ATAD2B: variants seen among roughly 807,000 people sequenced by gnomAD.
ATAD2B encodes ATPase family AAA domain-containing protein 2B.
ATAD2B carries 40 observed loss-of-function variants against 167.6 expected under a neutral mutation model. That is an observed-to-expected ratio of 0.24 (90% confidence interval 0.19 to 0.31). The LOEUF is 0.31. ATAD2B is among the 10% of genes least tolerant of loss of function. The probability of loss-of-function intolerance (pLI) is 1.00; values close to 1 mark genes in which losing one functional copy is unlikely to be tolerated. For synonymous variants in ATAD2B, 579 were observed against 596.5 expected, an observed-to-expected ratio of 0.97 and a Z score of 0.43; for missense variants, 1,242 against 1,757.2, an observed-to-expected ratio of 0.71 and a Z score of 5.24.
intron 16 of ATAD2B, among the ~76,000 whole-genome samples, chr2:23,822,406 G>A (rs1423309081): frequency 2.0e-5 from 3 of 152,044 alleles, no homozygotes; most frequent in Non-Finnish European, 4.4e-5. Context: ...TTAGCTGGGC[G>A]TGGCGGCACA....
intron 18 of ATAD2B, among the ~76,000 whole-genome samples, chr2:23,808,315 G>C (rs796751640): frequency 5.3e-5 from 8 of 150,006 alleles, no homozygotes; most frequent in African/African-American, 2.0e-4. Flanking sequence ...TCTTCCCCCA[G>C]CCAAGAAGAT....
At chr2:23,789,133 T>C (rs1432825408) in intron 19 of ATAD2B, among the ~76,000 whole-genome samples, 8 of 152,124 alleles carry the variant, frequency 5.3e-5, no homozygotes, top group Non-Finnish European at 1.0e-4. Context: ...CTGGTTCCAC[T>C]GCAAAGAAAC....
At chr2:23,899,283 G>A (rs574613772) in intron 1 of ATAD2B, among the ~76,000 whole-genome samples, 3 of 113,776 alleles carry the variant, frequency 2.6e-5, no homozygotes, top group East Asian at 2.7e-4. Flanking sequence ...AAGCCTGGGC[G>A]AAAGAGCAAG....
At chr2:23,920,424 T>C (rs1409805990) in intron 1 of ATAD2B, among the ~76,000 whole-genome samples, 1 of 152,210 alleles carries the variant, frequency 6.6e-6, no homozygotes, top group African/African-American at 2.4e-5. Flanking sequence ...AAAAACTGTG[T>C]TTTATTTATC....
chr2:23,684,971 C>T, the ATAD2B span, among the ~76,000 whole-genome samples: 1 of 152,218 alleles, frequency 6.6e-6, no homozygotes, highest in Admixed American at 6.5e-5. This position sits in a 1 kb window ranked among gnomAD's most constrained non-coding sequence, Gnocchi z 4.4. Flanking sequence ...GTGACTAATG[C>T]CAGGAAAGCG....
chr2:23,715,988 A>C, the ATAD2B span, among the ~76,000 whole-genome samples: 1 of 152,226 alleles, frequency 6.6e-6, no homozygotes, highest in East Asian at 1.9e-4. Context: ...GTGGATTGTC[A>C]CATTTCTTTC....
intron 23 of ATAD2B, among the ~76,000 whole-genome samples, chr2:23,764,247 T>C (rs759548539): frequency 6.6e-6 from 1 of 152,250 alleles, no homozygotes. Flanking sequence ...ATTGAAACCA[T>C]GTTACTTCTT....
chr2:23,920,340 C>A (rs568749513), intron 1 of ATAD2B, among the ~76,000 whole-genome samples: 1 of 152,304 alleles, frequency 6.6e-6, no homozygotes, highest in African/African-American at 2.4e-5. Flanking sequence ...TCATTTAGCA[C>A]CTACTTTGAA....
intron 7 of ATAD2B, 126 bp from the exon 8 acceptor site, chr2:23,876,030 T>C: frequency 1.4e-6 from 1 of 699,974 alleles, no homozygotes; most frequent in Non-Finnish European, 2.4e-6. Flanking sequence ...AGTCTTGCTC[T>C]AACGCCAGGC....
chr2:23,731,739 G>T, the ATAD2B span, among the ~76,000 whole-genome samples: 1 of 151,996 alleles, frequency 6.6e-6, no homozygotes, highest in Non-Finnish European at 1.5e-5. Flanking sequence ...TAATCTTTTT[G>T]GGCTCAAGCA....
At chr2:23,909,835 C>T (rs1039511453) in intron 1 of ATAD2B, among the ~76,000 whole-genome samples, 2 of 151,698 alleles carry the variant, frequency 1.3e-5, no homozygotes, top group African/African-American at 4.8e-5. Context: ...TTGAGTATTG[C>T]ATAAGTTTGG....
intron 1 of ATAD2B, among the ~76,000 whole-genome samples, chr2:23,908,209 C>A (rs1400529674): frequency 6.6e-6 from 1 of 151,872 alleles, no homozygotes; most frequent in African/African-American, 2.4e-5. Context: ...AGGCAACCTA[C>A]AAAATGGGAG....
chr2:23,825,866 C>G (rs570913341), intron 15 of ATAD2B, among the ~76,000 whole-genome samples: 4 of 152,156 alleles, frequency 2.6e-5, no homozygotes, highest in African/African-American at 9.6e-5. Flanking sequence ...TTATGTTTGC[C>G]ACAACATGTT....
At chr2:23,869,166 C>T (rs1695566005) in intron 9 of ATAD2B, among the ~76,000 whole-genome samples, 1 of 152,072 alleles carries the variant, frequency 6.6e-6, no homozygotes, top group Admixed American at 6.6e-5. Flanking sequence ...TTAGTGAGCC[C>T]AACAGTGATC....
At chr2:23,696,267 T>C in the ATAD2B span, 2 of 1,499,680 alleles carry the variant, frequency 1.3e-6, no homozygotes, top group South Asian at 2.4e-5. The surrounding 1 kb of genome is among the most constrained non-coding windows in gnomAD (Gnocchi z 5.5). Flanking sequence ...CCCCTGGGGC[T>C]GGGCCTGCTG....
chr2:23,703,417 C>T, the ATAD2B span: 10 of 1,413,038 alleles, frequency 7.1e-6, no homozygotes, highest in African/African-American at 8.6e-5. Flanking sequence ...GGGCCAGGGT[C>T]GCATCCCTGC....
At chr2:23,691,955 G>C in the ATAD2B span, 3 of 1,416,208 alleles carry the variant, frequency 2.1e-6, no homozygotes, top group African/African-American at 2.8e-5. Context: ...CAAGGACTGA[G>C]CGGGGAGGTC....
intron 1 of ATAD2B, among the ~76,000 whole-genome samples, chr2:23,905,592 C>T (rs1267459204): frequency 1.3e-5 from 2 of 152,168 alleles, no homozygotes; most frequent in Non-Finnish European, 2.9e-5. Flanking sequence ...TCTTACATTA[C>T]AGCACTACCA....
chr2:23,875,202 C>G (rs547513495), intron 8 of ATAD2B, among the ~76,000 whole-genome samples: 97 of 150,574 alleles, frequency 6.4e-4, no homozygotes, highest in African/African-American at 2.3e-3. Flanking sequence ...AAAAAATAAA[C>G]TTTTAAAAGT....
Sources: gnomAD v4.1 joint callset for allele counts (sites outside exome capture counted in the v4.1 genomes callset) on GRCh38, gnomAD v4.1.1 for gene constraint, Gnocchi (gnomAD v3.1) non-coding constraint, MANE v1.5 for transcripts, NCBI Gene and HGNC (gene_info 2026-07-23, HGNC 2026-07-21) for gene names.